MAST4: variants seen among roughly 807,000 people sequenced by gnomAD.
MAST4 encodes the protein microtubule associated serine/threonine kinase family member 4.
A neutral mutation model predicts 162.7 loss-of-function variants in MAST4; 89 were observed. The observed-to-expected ratio is 0.55, with a 90% CI of 0.46 to 0.65. The LOEUF (loss-of-function observed/expected upper bound fraction) is 0.65. Among genes scored for constraint, MAST4 ranks in the 30% least tolerant of loss-of-function variants. The pLI is 0.00. For synonymous variants in MAST4, 1,479 were observed against 1,361.1 expected, an observed-to-expected ratio of 1.09 and a Z score of -1.91; for missense variants, 3,153 against 3,374.0, an observed-to-expected ratio of 0.93 and a Z score of 1.62.
chr5:66,629,100 T>A lies in MAST4; in HGVS notation c.363+32082T>A, dbSNP rs555272209. Among the ~76,000 whole-genome samples, 4 of 152,196 alleles carry A rather than the reference T, an allele frequency of 2.6e-5. 1 individual carries two copies. The highest frequency in any genetic ancestry group is 9.6e-5 in the African/African-American group (4 of 41,524). ...ATCTTCATGTGCTTTGAAAGTTGAG[T>A]GGGAGAGTGCAGGCTGAGGTCTTTC... On this transcript the variant is annotated intron_variant, in intron 1 of 28. Coordinates refer to ENST00000403625, the MANE Select transcript of MAST4 (RefSeq NM_001164664.2).
In MAST4 at chr5:67,164,139, G is replaced by C; in HGVS notation, c.4960G>C (p.Asp1654His). 6.2e-7 allele frequency: 1 copy of C among 1,605,460 alleles called. No homozygotes were observed. The highest frequency in any genetic ancestry group is 8.5e-7 in the Non-Finnish European group (1 of 1,175,784). ...CCAGGATGGTCTCTGCCACTCCCTC[G>C]ACAGGGGCATCTCTGGGAAGGGGGA... ...TLQDGLCHSL[D>H]RGISGKGEGT... Residue 1654 changes from aspartate (D) to histidine (H), a missense_variant, in exon 29 of 29, where the codon GAC becomes CAC. By Grantham distance (81) the Asp-to-His change is moderately conservative (BLOSUM62 -1). Around this residue, in one of 7 missense-constraint regions of MAST4, gnomAD observed 1,644 missense variants for 1,495.0 expected, o/e 1.10. Coordinates refer to ENST00000403625, the MANE Select transcript of MAST4 (RefSeq NM_001164664.2). The surrounding 1 kb of genome is among the most constrained non-coding windows in gnomAD (Gnocchi z 5.3).
At chr5:66,828,662 T>C in intron 3 of MAST4, 1 of 766,718 alleles carries the variant, frequency 1.3e-6, no homozygotes, top group Non-Finnish European at 2.1e-6. Flanking sequence ...ACTGCAAGCA[T>C]CCGTGATCTC....
intron 1 of MAST4, among the ~76,000 whole-genome samples, chr5:66,660,232 T>C (rs1480522345): frequency 6.6e-6 from 1 of 151,928 alleles, no homozygotes; most frequent in Non-Finnish European, 1.5e-5. Context: ...GTACTGAAAA[T>C]ACAAAATTAG....
chr5:67,056,995 A>C (rs1581376979), intron 5 of MAST4, among the ~76,000 whole-genome samples: 1 of 151,970 alleles, frequency 6.6e-6, no homozygotes, highest in African/African-American at 2.4e-5. Flanking sequence ...GAGCCACCGC[A>C]CCGCACCCAG....
At chr5:66,704,520 G>A (rs13173104) in intron 1 of MAST4, among the ~76,000 whole-genome samples, 11,551 of 113,548 alleles carry the variant, frequency 0.1, 726 homozygotes, top group Admixed American at 0.15. Context: ...TTTTTGAGAC[G>A]GAGTCTCGCT....
intron 4 of MAST4, among the ~76,000 whole-genome samples, chr5:66,922,887 A>G (rs1243604469): frequency 1.3e-5 from 2 of 152,200 alleles, no homozygotes; most frequent in East Asian, 3.9e-4. Flanking sequence ...TTAGGGCGGC[A>G]CATGTTCCCC....
chr5:66,742,975 T>A (rs1752555440), intron 1 of MAST4, among the ~76,000 whole-genome samples: 1 of 152,226 alleles, frequency 6.6e-6, no homozygotes, highest in Non-Finnish European at 1.5e-5. Flanking sequence ...AGCTATTAAT[T>A]GTGAATAGTA....
intron 5 of MAST4, among the ~76,000 whole-genome samples, chr5:67,055,999 G>GAT (rs59787536): frequency 0.23 from 33,985 of 145,342 alleles, 4,064 homozygotes; most frequent in Non-Finnish European, 0.27. Flanking sequence ...TTTGTTTAGG[G>GAT]ATATATATAT....
rs1580313881 is a variant in MAST4, at chr5:66,730,436, T to C, written c.364-29273T>C. Among the ~76,000 whole-genome samples, 3 of 152,188 alleles carry C rather than the reference T, an allele frequency of 2.0e-5. No homozygotes were observed. The South Asian group carries it at 6.2e-4, about 32-fold the overall frequency. On this transcript the variant is annotated intron_variant, in intron 1 of 28. Transcript: ENST00000403625. ...TACTCATTTAAACCAAGATCCAATATTTCATTTACTCCACTCTTGGTAGGT... is the reference window on the plus strand; with the variant it reads ...TACTCATTTAAACCAAGATCCAATACTTCATTTACTCCACTCTTGGTAGGT...
In MAST4 at chr5:66,859,169, T is replaced by G. The variant is rs189860908; in HGVS notation, c.643-40782T>G. ...GCATTAGTGAGGACTTTTAGTATCT[T>G]GATAAATCACAGCAATATAACGCTT... On this transcript the variant is annotated intron_variant, in intron 3 of 28. Coordinates refer to ENST00000403625, the MANE Select transcript of MAST4 (RefSeq NM_001164664.2). Among the ~76,000 whole-genome samples the G allele has an allele frequency of 7.9e-5, 12 of 152,288 alleles. No homozygotes were observed. In the East Asian group the frequency reaches 1.9e-3, roughly 24 times the overall value.
chr5:66,710,001 G>T (rs1424523276), intron 1 of MAST4, among the ~76,000 whole-genome samples: 2 of 152,138 alleles, frequency 1.3e-5, no homozygotes, highest in African/African-American at 4.8e-5. Flanking sequence ...TGATACCCTT[G>T]ACTTTCACAG....
At chr5:67,025,015 C>T (rs370716332) in intron 4 of MAST4, among the ~76,000 whole-genome samples, 3 of 152,156 alleles carry the variant, frequency 2.0e-5, no homozygotes, top group African/African-American at 7.2e-5. Context: ...ACGTTTCTGC[C>T]ACTAACTAGT....
At chr5:66,809,196 T>C (rs988794814) in intron 3 of MAST4, among the ~76,000 whole-genome samples, 2 of 152,218 alleles carry the variant, frequency 1.3e-5, no homozygotes, top group African/African-American at 4.8e-5. Flanking sequence ...ACAGTTGGCT[T>C]TGGACTCAGA....
chr5:66,940,983 A>G (rs931135110), intron 4 of MAST4, among the ~76,000 whole-genome samples: 2 of 152,180 alleles, frequency 1.3e-5, no homozygotes, highest in African/African-American at 2.4e-5. Context: ...GTGACAAGGT[A>G]TGTTGCCAAA....
intron 16 of MAST4, among the ~76,000 whole-genome samples, chr5:67,132,787 C>T (rs973840582): frequency 5.9e-5 from 9 of 151,896 alleles, no homozygotes; most frequent in Non-Finnish European, 1.2e-4. Flanking sequence ...GACTCATGCT[C>T]ATTCTACAAA....
At chr5:66,640,777 T>C (rs1368302332) in intron 1 of MAST4, among the ~76,000 whole-genome samples, 1 of 152,174 alleles carries the variant, frequency 6.6e-6, no homozygotes, top group Non-Finnish European at 1.5e-5. Context: ...CGTATGGTGG[T>C]TCTATGTTTA....
chr5:67,061,797 T>C (rs1759640104), intron 5 of MAST4, among the ~76,000 whole-genome samples: 1 of 149,004 alleles, frequency 6.7e-6, no homozygotes, highest in Non-Finnish European at 1.5e-5. Flanking sequence ...ATGGTTTTCC[T>C]AAGCAGTGAA....
intron 6 of MAST4, among the ~76,000 whole-genome samples, chr5:67,090,933 T>C (rs947594339): frequency 2.0e-5 from 3 of 152,048 alleles, no homozygotes; most frequent in African/African-American, 4.8e-5. Flanking sequence ...TTCATCCCTC[T>C]CACATGCATA....
chr5:67,081,732 A>G (rs1762679403), intron 5 of MAST4, among the ~76,000 whole-genome samples: 1 of 152,220 alleles, frequency 6.6e-6, no homozygotes, highest in Non-Finnish European at 1.5e-5. Context: ...GTTGACATAT[A>G]TAGTATTTTA....
Sources: allele counts gnomAD v4.1 joint callset (sites outside exome capture counted in the v4.1 genomes callset), GRCh38; gene constraint gnomAD v4.1.1; regional missense constraint gnomAD v4.1.1; non-coding constraint Gnocchi (gnomAD v3.1); transcripts MANE v1.5; gene names NCBI Gene and HGNC (gene_info 2026-07-23, HGNC 2026-07-21).